Variants in SENP6 observed in about 807,000 individuals in gnomAD.
The protein encoded by SENP6 is SUMO specific peptidase 6.
SENP6 carries 41 observed loss-of-function variants against 134.5 expected under a neutral mutation model. The observed-to-expected ratio is 0.30, with a 90% CI of 0.24 to 0.40. The LOEUF (loss-of-function observed/expected upper bound fraction) is 0.40. SENP6 is among the 10% of genes least tolerant of loss of function. SENP6 has a pLI of 1.00. For missense variants in SENP6, 1,248 were observed against 1,312.5 expected, an observed-to-expected ratio of 0.95 and a Z score of 0.76; for synonymous variants, 395 against 429.8, an observed-to-expected ratio of 0.92 and a Z score of 1.00.
At chr6:75,638,586 GTGTGTATATATATATATATATATA>G (rs1412319695) in intron 5 of SENP6, among the ~76,000 whole-genome samples, 2 of 29,442 alleles carry the variant, frequency 6.8e-5, no homozygotes, top group African/African-American at 2.6e-4. Context: ...GTGTGTGTGT[GTGTGTATATATATATATATATATA>G]TATATATATA....
chr6:75,642,497 T>G (rs1270571509), intron 6 of SENP6, among the ~76,000 whole-genome samples: 1 of 151,980 alleles, frequency 6.6e-6, no homozygotes, highest in South Asian at 2.1e-4. Flanking sequence ...AAGTTACTAA[T>G]CCAGGAATGA....
In SENP6 at chr6:75,695,433, T is replaced by G. The variant is rs565783975; in HGVS notation, c.2076-371T>G. ...TTCTAAAGAAAAAAGATTTACTGAGTTTTTAATACAAAGCGAACTGTGGCC... is the reference window on the plus strand; with the variant it reads ...TTCTAAAGAAAAAAGATTTACTGAGGTTTTAATACAAAGCGAACTGTGGCC... On this transcript the variant is annotated intron_variant, in intron 16 of 23. Coordinates refer to ENST00000447266, the MANE Select transcript of SENP6 (RefSeq NM_015571.4). Among the ~76,000 whole-genome samples the G allele has an allele frequency of 2.6e-5, 4 of 152,040 alleles. No individual in the cohort carries two copies. The South Asian group carries it at 8.3e-4, about 32-fold the overall frequency.
Position 75,659,296 on chromosome 6 carries a change from A to T in SENP6, c.585A>T (p.Ser195=). 6.2e-7 allele frequency: 1 copy of T among 1,612,888 alleles called. No individual in the cohort carries two copies. Among genetic ancestry groups the T allele is most frequent in the Non-Finnish European group, 8.5e-7 (1 of 1,179,168 alleles). ...RIMKKTEESE[S]QVEPEIKRKV... ...TGAAGAAAACAGAAGAGTCCGAATC[A>T]CAAGTGGAGCCTGAAATTAAGAGGA... is the stretch of plus-strand genomic sequence containing the variant. The change falls in exon 8 of 24, where the codon TCA becomes TCT. Residue 195 remains serine, a synonymous_variant. Transcript: ENST00000447266.
intron 19 of SENP6, among the ~76,000 whole-genome samples, chr6:75,708,259 A>G (rs927715695): frequency 1.9e-4 from 29 of 152,058 alleles, no homozygotes; most frequent in African/African-American, 6.8e-4. Context: ...ACAGGGTTTC[A>G]CCATGTTAGC....
In SENP6 at chr6:75,715,409, C is replaced by T; in HGVS notation, c.3154C>T (p.Pro1052Ser). ...FENPILSFEL[P>S]MNLANWFPPP... ...GAATCCAATTCTCAGTTTTGAACTA[C>T]CTATGAATTTGGCAAACTGGTTTCC... The change falls in exon 24 of 24, where the codon CCT (proline) becomes TCT (serine). Residue 1052 changes from proline (P) to serine (S), a missense_variant. Coordinates refer to ENST00000447266, the MANE Select transcript of SENP6 (RefSeq NM_015571.4). The T allele has an allele frequency of 6.2e-7, 1 of 1,612,106 alleles. No homozygotes were observed. Among genetic ancestry groups the T allele is most frequent in the Non-Finnish European group, 8.5e-7 (1 of 1,178,718 alleles).
chr6:75,656,515 C>T (rs1771352426), intron 7 of SENP6, among the ~76,000 whole-genome samples: 4 of 152,146 alleles, frequency 2.6e-5, no homozygotes, highest in Admixed American at 2.6e-4. Flanking sequence ...CAATCTTAAG[C>T]TTTTTGCCAT....
chr6:75,668,044 A>AC (rs781288693), intron 10 of SENP6, among the ~76,000 whole-genome samples: 20 of 152,358 alleles, frequency 1.3e-4, no homozygotes, highest in Non-Finnish European at 2.5e-4. Flanking sequence ...AGATACAAAT[A>AC]TGGGAACATA....
chr6:75,669,621 GT>G (rs976255358), intron 10 of SENP6, among the ~76,000 whole-genome samples: 3 of 151,968 alleles, frequency 2.0e-5, no homozygotes, highest in African/African-American at 7.3e-5. Flanking sequence ...TATATGAAGT[GT>G]TTATGATAAA....
At chr6:75,661,705 T>C (rs1246716357) in intron 8 of SENP6, among the ~76,000 whole-genome samples, 1 of 152,250 alleles carries the variant, frequency 6.6e-6, no homozygotes, top group Admixed American at 6.5e-5. Flanking sequence ...TGGTTTTTTC[T>C]TTCCATGTAT....
intron 11 of SENP6, among the ~76,000 whole-genome samples, chr6:75,673,320 T>C (rs865787462): frequency 8.7e-4 from 16 of 18,402 alleles, no homozygotes; most frequent in African/African-American, 1.4e-3. Flanking sequence ...CAATGTCTAC[T>C]TTTTTTTTTT....
intron 1 of SENP6, among the ~76,000 whole-genome samples, chr6:75,606,950 A>G (rs1582644317): frequency 6.6e-6 from 1 of 152,306 alleles, no homozygotes; most frequent in South Asian, 2.1e-4. Context: ...AGAGAGTAAA[A>G]TAGGGGAGCA....
intron 16 of SENP6, among the ~76,000 whole-genome samples, chr6:75,693,931 T>A (rs1774473215): frequency 6.6e-6 from 1 of 152,060 alleles, no homozygotes; most frequent in Admixed American, 6.6e-5. Context: ...TGTTTTGCTA[T>A]AGATGTATAA....
At chr6:75,617,857 C>CT (rs1200785141) in intron 1 of SENP6, among the ~76,000 whole-genome samples, 35 of 152,208 alleles carry the variant, frequency 2.3e-4, no homozygotes, top group Non-Finnish European at 4.4e-5. Flanking sequence ...TTTTCATAAC[C>CT]TTGACAGTTG....
intron 1 of SENP6, among the ~76,000 whole-genome samples, chr6:75,618,536 C>T (rs1209887016): frequency 6.6e-6 from 1 of 152,102 alleles, no homozygotes; most frequent in Non-Finnish European, 1.5e-5. Context: ...TTCTAGGAAC[C>T]CTGGCTCCTT....
chr6:75,700,993 C>A (rs549741981), intron 18 of SENP6, among the ~76,000 whole-genome samples: 2 of 152,088 alleles, frequency 1.3e-5, no homozygotes, highest in Admixed American at 1.3e-4. Flanking sequence ...ATCTGGACTT[C>A]GCAATACAGA....
chr6:75,656,974 AAG>A (rs1190972050), intron 7 of SENP6, among the ~76,000 whole-genome samples: 2 of 152,184 alleles, frequency 1.3e-5, no homozygotes, highest in African/African-American at 2.4e-5. Context: ...TGGTGAAGAG[AAG>A]AGTGTGATTA....
chr6:75,710,000 A>T (rs763707669), intron 20 of SENP6, among the ~76,000 whole-genome samples: 11 of 152,120 alleles, frequency 7.2e-5, no homozygotes, highest in African/African-American at 2.4e-5. Flanking sequence ...CTGAACTTTA[A>T]TGTAATACTG....
rs968993951 is a variant in SENP6, at chr6:75,637,272, G to C, written c.458+2461G>C. ...GTGAGTGGTATATCTTGTCTTTTAA[G>C]TAAATCAGTCCTGCTAAAATCTGAG... On this transcript the variant is annotated intron_variant, in intron 5 of 23. Transcript: ENST00000447266. 5.3e-5 allele frequency among the ~76,000 whole-genome samples: 8 copies of C among 152,150 alleles called. 1 individual carries two copies. In the South Asian group the frequency reaches 8.3e-4, roughly 16 times the overall value.
At chr6:75,663,600 C>A in intron 9 of SENP6, 82 bp downstream of exon 9, 1 of 976,450 alleles carries the variant, frequency 1.0e-6, no homozygotes, top group Non-Finnish European at 1.5e-6. Flanking sequence ...CTCCCCAACC[C>A]CATATATATT....
Sources: gnomAD v4.1 joint callset for allele counts (sites outside exome capture counted in the v4.1 genomes callset) on GRCh38, gnomAD v4.1.1 for gene constraint, MANE v1.5 for transcripts, NCBI Gene and HGNC (gene_info 2026-07-23, HGNC 2026-07-21) for gene names.